PRKN: variants seen among roughly 807,000 people sequenced by gnomAD.
PRKN encodes parkin RBR E3 ubiquitin protein ligase.
Under a neutral mutation model 59.5 loss-of-function variants are expected in PRKN, and 56 were observed. The ratio of observed to expected loss-of-function variants is 0.94; its 90% CI spans 0.76 to 1.18. The LOEUF is 1.18. Among genes scored for constraint, PRKN ranks in the 50% most tolerant of loss-of-function variants. The probability of loss-of-function intolerance (pLI) is 0.00; values close to 1 mark genes in which losing one functional copy is unlikely to be tolerated. For missense variants in PRKN, 657 were observed against 596.4 expected, an observed-to-expected ratio of 1.10 and a Z score of -1.06; for synonymous variants, 250 against 222.1, an observed-to-expected ratio of 1.13 and a Z score of -1.12.
In PRKN at chr6:162,167,885, C is replaced by A. The variant is rs1253286351; in HGVS notation, c.534+33246G>T. On this transcript the variant is annotated intron_variant, in intron 4 of 11. Transcript: ENST00000366898. ...CCTCATTTAATTTTCAATGGTCTTG[C>A]CGTGAATATTTGCATGAGATATAGA... 2.0e-5 allele frequency among the ~76,000 whole-genome samples: 3 copies of A among 151,992 alleles called. No individual in the cohort carries two copies. In the East Asian group the frequency reaches 5.8e-4, roughly 29 times the overall value.
chr6:162,208,711 G>A (rs1785063997), intron 3 of PRKN, among the ~76,000 whole-genome samples: 1 of 152,138 alleles, frequency 6.6e-6, no homozygotes, highest in African/African-American at 2.4e-5. Context: ...GCACAGTTAA[G>A]GTGGTGCCAG....
At chr6:161,608,795 C>A (rs1782382113) in intron 7 of PRKN, among the ~76,000 whole-genome samples, 1 of 152,030 alleles carries the variant, frequency 6.6e-6, no homozygotes, top group Non-Finnish European at 1.5e-5. Flanking sequence ...CCGCCTCGGC[C>A]TCCCAAAGTG....
chr6:162,446,713 T>C (rs971613079), intron 1 of PRKN, among the ~76,000 whole-genome samples: 1 of 152,134 alleles, frequency 6.6e-6, no homozygotes, highest in Non-Finnish European at 1.5e-5. Flanking sequence ...ACTCACTGAG[T>C]TCATAATCAA....
At chr6:162,626,787 C>A (rs1782915117) in intron 1 of PRKN, among the ~76,000 whole-genome samples, 1 of 148,910 alleles carries the variant, frequency 6.7e-6, no homozygotes, top group African/African-American at 2.5e-5. Flanking sequence ...GCACTCCAGC[C>A]TGGACAACAC....
At position 161,806,142 on chromosome 6, in the gene PRKN, A is replaced by G. The variant is rs1196964671; in HGVS notation, c.735-20234T>C. Among the ~76,000 whole-genome samples, 2 of 152,152 alleles carry G rather than the reference A, an allele frequency of 1.3e-5. 1 individual carries two copies. Among genetic ancestry groups the G allele is most frequent in the Admixed American group, 1.3e-4 (2 of 15,270 alleles). ...ATCAAGGCCTCTGATGATCAACGTGATTGGTCGTCCAAGCAGCCATGTCAT... is the reference window on the plus strand; with the variant it reads ...ATCAAGGCCTCTGATGATCAACGTGGTTGGTCGTCCAAGCAGCCATGTCAT... On this transcript the variant is annotated intron_variant, in intron 6 of 11. Coordinates refer to ENST00000366898, the MANE Select transcript of PRKN (RefSeq NM_004562.3).
At chr6:161,946,414 A>ACACTCTCT (rs1247187053) in intron 6 of PRKN, among the ~76,000 whole-genome samples, 2 of 114,448 alleles carry the variant, frequency 1.7e-5, no homozygotes, top group African/African-American at 3.7e-5. Flanking sequence ...ACACACACAC[A>ACACTCTCT]CTCTCTCTCT....
chr6:161,887,955 A>T (rs12665599), intron 6 of PRKN, among the ~76,000 whole-genome samples: 76,904 of 152,060 alleles, frequency 0.51, 20,131 homozygotes, highest in African/African-American at 0.64. Flanking sequence ...TAATTGTGTC[A>T]GTTATGAAAA....
chr6:162,366,788 A>G (rs1785462022), intron 2 of PRKN, among the ~76,000 whole-genome samples: 1 of 152,134 alleles, frequency 6.6e-6, no homozygotes, highest in South Asian at 2.1e-4. Context: ...AATCCCAGCT[A>G]CTTGGGAGGC....
chr6:162,714,014 T>C (rs1778633916), intron 1 of PRKN, among the ~76,000 whole-genome samples: 2 of 152,232 alleles, frequency 1.3e-5, no homozygotes, highest in African/African-American at 4.8e-5. Context: ...AAATGGTTTT[T>C]CAGAACAGCC....
chr6:162,569,575 T>C lies in PRKN; in HGVS notation c.8-126102A>G. 2 of 717,176 alleles carry C rather than the reference T, an allele frequency of 2.8e-6. 1 individual carries two copies. The highest frequency in any genetic ancestry group is 5.1e-5 in the East Asian group (2 of 39,094). The allele number at this position is 717,176 out of a possible 1,614,324, so 44.4% of individuals were successfully genotyped here. A position where few individuals can be genotyped will look rare whatever the true frequency, so the allele number is the denominator to read the frequency against. On this transcript the variant is annotated intron_variant, in intron 1 of 11. Coordinates refer to ENST00000366898, the MANE Select transcript of PRKN (RefSeq NM_004562.3). ...TGGCCTATGGGGGTCTCACAAGCCC[T>C]GGCCTCAGCTATGGCCTGGGCTCCA...
intron 8 of PRKN, among the ~76,000 whole-genome samples, chr6:161,567,037 T>G (rs181140339): frequency 0.016 from 1,660 of 103,840 alleles, 49 homozygotes; most frequent in African/African-American, 0.047. Context: ...TTTTTTTTTT[T>G]TGTGTGTGTG....
chr6:162,390,424 C>T (rs1205679265), intron 2 of PRKN, among the ~76,000 whole-genome samples: 1 of 141,154 alleles, frequency 7.1e-6, no homozygotes, highest in African/African-American at 2.7e-5. Context: ...CACACACACA[C>T]ACACCTTATA....
chr6:161,951,196 A>G (rs1323579662), intron 6 of PRKN, among the ~76,000 whole-genome samples: 4 of 152,054 alleles, frequency 2.6e-5, no homozygotes, highest in Non-Finnish European at 4.4e-5. Flanking sequence ...CTTGATAATT[A>G]AAATACGAAA....
At chr6:162,181,460 C>T (rs1446082873) in intron 4 of PRKN, among the ~76,000 whole-genome samples, 1 of 152,200 alleles carries the variant, frequency 6.6e-6, no homozygotes, top group African/African-American at 2.4e-5. Context: ...GATTTCCACA[C>T]ATAGTAGGTA....
chr6:162,081,027 G>A (rs547379517), intron 4 of PRKN, among the ~76,000 whole-genome samples: 73 of 152,190 alleles, frequency 4.8e-4, no homozygotes, highest in Non-Finnish European at 6.6e-4. Context: ...TTTATTATGA[G>A]ATTGCAGAAA....
intron 2 of PRKN, among the ~76,000 whole-genome samples, chr6:162,407,003 A>C (rs1788105661): frequency 6.6e-6 from 1 of 152,112 alleles, no homozygotes; most frequent in Non-Finnish European, 1.5e-5. Context: ...GGATACTCTA[A>C]GCTTTGATAA....
intron 6 of PRKN, among the ~76,000 whole-genome samples, chr6:161,822,459 T>C (rs1792071221): frequency 6.6e-6 from 1 of 152,186 alleles, no homozygotes; most frequent in Non-Finnish European, 1.5e-5. Context: ...GCGGATCACC[T>C]GATGTTAGGA....
chr6:161,872,091 T>A (rs1794363249), intron 6 of PRKN, among the ~76,000 whole-genome samples: 1 of 152,128 alleles, frequency 6.6e-6, no homozygotes, highest in Non-Finnish European at 1.5e-5. Flanking sequence ...TCAGCCCTAT[T>A]TAGCTTACAT....
intron 6 of PRKN, among the ~76,000 whole-genome samples, chr6:161,968,139 G>C (rs1341130161): frequency 6.6e-6 from 1 of 151,264 alleles, no homozygotes; most frequent in African/African-American, 2.4e-5. Flanking sequence ...TCCTGCCTCA[G>C]CCTCCCGAGT....
Sources: gnomAD v4.1 joint callset for allele counts (sites outside exome capture counted in the v4.1 genomes callset) on GRCh38, gnomAD v4.1.1 for gene constraint, MANE v1.5 for transcripts, NCBI Gene and HGNC (gene_info 2026-07-23, HGNC 2026-07-21) for gene names.